The following IPO11 variants were observed in gnomAD, a reference collection of about 807,000 sequenced individuals.
IPO11 encodes the protein importin 11, also known as importin-11.
Under a neutral mutation model 143.2 loss-of-function variants are expected in IPO11, and 66 were observed. The observed-to-expected ratio is 0.46, with a 90% confidence interval of 0.38 to 0.57. IPO11 has a LOEUF of 0.57. Ranked by LOEUF, IPO11 falls within the 20% of genes least tolerant of loss-of-function variation. The probability of loss-of-function intolerance (pLI) is 0.00; values close to 1 mark genes in which losing one functional copy is unlikely to be tolerated. For missense variants in IPO11, 1,026 were observed against 1,141.0 expected (o/e 0.90, Z 1.45); for synonymous variants, 385 against 377.8 (o/e 1.02, Z -0.22).
At chr5:62,496,074 G>A (rs1315968748) in intron 16 of IPO11, among the ~76,000 whole-genome samples, 1 of 152,106 alleles carries the variant, frequency 6.6e-6, no homozygotes, top group Non-Finnish European at 1.5e-5. Flanking sequence ...CTGATCACGA[G>A]GTCAGGAGTT....
intron 1 of IPO11, among the ~76,000 whole-genome samples, chr5:62,414,306 A>G (rs1038345903): frequency 6.6e-6 from 1 of 151,632 alleles, no homozygotes; most frequent in Non-Finnish European, 1.5e-5. Flanking sequence ...CAGAAACAAA[A>G]TTTTTTTTTC....
chr5:62,551,170 T>C, intron 25 of IPO11, 53 bp from the exon 26 acceptor site: 1 of 973,884 alleles, frequency 1.0e-6, no homozygotes, highest in Non-Finnish European at 1.6e-6. Flanking sequence ...TCAGTGATTG[T>C]TTTTACTTGT....
chr5:62,444,772 C>T lies in IPO11; in HGVS notation c.239+1689C>T, dbSNP rs944529772. Among the ~76,000 whole-genome samples the T allele has an allele frequency of 1.1e-4, 16 of 151,916 alleles. No homozygotes were observed. In the South Asian group the frequency reaches 1.7e-3, roughly 16 times the overall value. On this transcript the variant is annotated intron_variant, in intron 3 of 29. Transcript: ENST00000325324. Reference sequence around the variant, plus strand: ...TAATCCCAGTTGCTGGGGAGGGTGACACAGGAGAATCACTTGAACCTGGGA... The same window carrying T: ...TAATCCCAGTTGCTGGGGAGGGTGATACAGGAGAATCACTTGAACCTGGGA...
At chr5:62,500,559 G>A (rs759406342) in intron 16 of IPO11, among the ~76,000 whole-genome samples, 1 of 152,130 alleles carries the variant, frequency 6.6e-6, no homozygotes, top group Non-Finnish European at 1.5e-5. Flanking sequence ...GTACAGTGGC[G>A]TGATCATAGC....
chr5:62,440,606 C>T (rs1039287734), intron 2 of IPO11, among the ~76,000 whole-genome samples: 1 of 151,952 alleles, frequency 6.6e-6, no homozygotes, highest in Admixed American at 6.5e-5. Flanking sequence ...ATCTGCCCAC[C>T]TCGGCCTCCC....
chr5:62,424,671 G>A (rs1262761952), intron 1 of IPO11, among the ~76,000 whole-genome samples: 1 of 151,506 alleles, frequency 6.6e-6, no homozygotes, highest in Admixed American at 6.6e-5. Context: ...TGAACTCCTA[G>A]GCTCAAGCAG....
chr5:62,425,611 C>T (rs1580161929), intron 1 of IPO11, among the ~76,000 whole-genome samples: 1 of 152,132 alleles, frequency 6.6e-6, no homozygotes, highest in South Asian at 2.1e-4. Context: ...AGCCACCACG[C>T]CTGGCCAATT....
chr5:62,489,902 T>C lies in IPO11; in HGVS notation c.1358-213T>C, dbSNP rs73105984. On this transcript the variant is annotated intron_variant, in intron 14 of 29. Coordinates refer to ENST00000325324, the MANE Select transcript of IPO11 (RefSeq NM_016338.5). ...AAATATTTTAGAATGAATTGAATTATCTGTTTGAAAGTAGTAAGGAATATT... is the reference window on the plus strand; with the variant it reads ...AAATATTTTAGAATGAATTGAATTACCTGTTTGAAAGTAGTAAGGAATATT... Among the ~76,000 whole-genome samples, 726 of 152,326 alleles carry C rather than the reference T, an allele frequency of 4.8e-3. 4 individuals carry two copies. The highest frequency in any genetic ancestry group is 0.017 in the African/African-American group (696 of 41,572).
chr5:62,485,847 T>G (rs1226719742), intron 12 of IPO11, among the ~76,000 whole-genome samples: 1 of 142,058 alleles, frequency 7.0e-6, no homozygotes, highest in Admixed American at 7.0e-5. Flanking sequence ...AAAACCCGTC[T>G]CTTAAAAAAA....
chr5:62,429,586 T>TTGTGTG (rs1743898319), intron 1 of IPO11, among the ~76,000 whole-genome samples: 1 of 95,286 alleles, frequency 1.0e-5, no homozygotes, highest in Non-Finnish European at 2.2e-5. Context: ...CGTCTGATTT[T>TTGTGTG]CGTGTGTGTG....
In IPO11 at chr5:62,486,976, A is replaced by T. The variant is rs141302721; in HGVS notation, c.1219-795A>T. On this transcript the variant is annotated intron_variant, in intron 12 of 29. Transcript: ENST00000325324. ...AATACCTTAAAAATTTAATTAAAAA[A>T]TTTAAATATTGTGAACGATCTAGTG... Among the ~76,000 whole-genome samples, 1,444 of 152,234 alleles carry T rather than the reference A, an allele frequency of 9.5e-3. 5 individuals carry two copies. The highest frequency in any genetic ancestry group is 0.016 in the Non-Finnish European group (1,064 of 68,008).
chr5:62,482,962 A>G, intron 9 of IPO11, 139 bp from the exon 10 acceptor site: 3 of 586,422 alleles, frequency 5.1e-6, no homozygotes, highest in Non-Finnish European at 8.8e-6. Context: ...ATGATAATGT[A>G]AAACTGAGTG....
chr5:62,560,410 C>T (rs928806523), intron 26 of IPO11, among the ~76,000 whole-genome samples: 4 of 152,128 alleles, frequency 2.6e-5, no homozygotes, highest in Non-Finnish European at 5.9e-5. Flanking sequence ...ACTGTTTTTG[C>T]TCTTAGGGTT....
chr5:62,469,119 T>A (rs1580214627), intron 6 of IPO11, among the ~76,000 whole-genome samples: 1 of 152,312 alleles, frequency 6.6e-6, no homozygotes, highest in Non-Finnish European at 1.5e-5. Context: ...TGAGCTGTAA[T>A]CTTAAAGGAT....
At chr5:62,546,046 C>A (rs188238105) in intron 24 of IPO11, among the ~76,000 whole-genome samples, 55 of 152,290 alleles carry the variant, frequency 3.6e-4, no homozygotes, top group African/African-American at 1.3e-3. Context: ...GTGGCAATTC[C>A]TCAAGGATCT....
At chr5:62,444,327 G>C (rs1360102896) in intron 3 of IPO11, among the ~76,000 whole-genome samples, 1 of 151,758 alleles carries the variant, frequency 6.6e-6, no homozygotes, top group Non-Finnish European at 1.5e-5. Flanking sequence ...CTCCTGACCT[G>C]GTGATCCGCC....
At chr5:62,557,938 C>G (rs1294720782) in intron 26 of IPO11, among the ~76,000 whole-genome samples, 1 of 152,152 alleles carries the variant, frequency 6.6e-6, no homozygotes, top group East Asian at 1.9e-4. Flanking sequence ...ACTCAGCCTT[C>G]TATTTTTTTT....
intron 24 of IPO11, among the ~76,000 whole-genome samples, chr5:62,541,688 AAAAG>A (rs1330850027): frequency 6.6e-6 from 1 of 152,204 alleles, no homozygotes; most frequent in African/African-American, 2.4e-5. Flanking sequence ...TTCAAAAAAA[AAAAG>A]AAGAAAATTA....
rs200641773 is a variant in IPO11 at position 62,464,952 on chromosome 5, T to TA, written c.517-2178dup. Among the ~76,000 whole-genome samples, 1,102 of 152,314 alleles carry TA rather than the reference T, an allele frequency of 7.2e-3. 14 individuals are homozygous for TA. The highest frequency in any genetic ancestry group is 0.025 in the African/African-American group (1,037 of 41,566). On this transcript the variant is annotated intron_variant, in intron 5 of 29. Transcript: ENST00000325324. ...AAATGTCGTTTTGTTGTAAGCAAGA[T>TA]ATCGGTTTAAAGTATAATAGTTTTT...
Sources: gnomAD v4.1 joint callset for allele counts (sites outside exome capture counted in the v4.1 genomes callset) on GRCh38, gnomAD v4.1.1 for gene constraint, MANE v1.5 for transcripts, NCBI Gene and HGNC (gene_info 2026-07-23, HGNC 2026-07-21) for gene names.